C4orf17: variants seen among roughly 807,000 people sequenced by gnomAD.
C4orf17 encodes the protein chromosome 4 open reading frame 17.
C4orf17 carries 25 observed loss-of-function variants against 32.0 expected under a neutral mutation model. The ratio of observed to expected loss-of-function variants is 0.78; its 90% CI spans 0.57 to 1.09. The LOEUF (loss-of-function observed/expected upper bound fraction) is 1.09, where lower values mean the gene tolerates loss of function less well. C4orf17 is among the 50% of genes least tolerant of loss of function. The pLI is 0.00. For synonymous variants in C4orf17, 149 were observed against 145.8 expected (o/e 1.02, Z -0.16); for missense variants, 420 against 420.0 (o/e 1.00, Z 0.00).
chr4:99,531,690 C>A (rs968389205), intron 5 of C4orf17, among the ~76,000 whole-genome samples: 1 of 152,154 alleles, frequency 6.6e-6, no homozygotes, highest in Non-Finnish European at 1.5e-5. Context: ...AACTGGCACA[C>A]AGACAATGGC....
intron 2 of C4orf17, among the ~76,000 whole-genome samples, chr4:99,516,871 G>A (rs1279515476): frequency 2.0e-5 from 3 of 152,126 alleles, no homozygotes; most frequent in Non-Finnish European, 4.4e-5. Flanking sequence ...TCAGCCTACC[G>A]AAGCGTGGCC....
At chr4:99,520,710 A>G (rs960649329) in intron 2 of C4orf17, among the ~76,000 whole-genome samples, 1 of 152,248 alleles carries the variant, frequency 6.6e-6, no homozygotes, top group Admixed American at 6.5e-5. Flanking sequence ...GCAAATTTTA[A>G]AACTCATTTC....
chr4:99,519,093 G>A (rs947193508), intron 2 of C4orf17: 6 of 152,226 alleles, frequency 3.9e-5, no homozygotes, highest in African/African-American at 1.4e-4. Context: ...GGTAGAAGGG[G>A]AAGTGGAACT....
intron 1 of C4orf17, among the ~76,000 whole-genome samples, chr4:99,512,773 A>C (rs1177587594): frequency 6.6e-6 from 1 of 152,196 alleles, no homozygotes; most frequent in Non-Finnish European, 1.5e-5. Flanking sequence ...ATATTTTGAA[A>C]TCAAACACTT....
Position 99,537,711 on chromosome 4 carries a change from G to A in C4orf17, c.589G>A (p.Ala197Thr), listed in dbSNP as rs1723584669. Residue 197 changes from alanine (A) to threonine (T), a missense_variant, in exon 6 of 9, where the codon GCA (alanine) becomes ACA (threonine). Physicochemically the swap from Ala to Thr is moderately conservative, Grantham distance 58. Transcript: ENST00000326581. ...LCSILHTDSL[A>T]EVLQWLLHAT... ...TAGCATTTTGCATACTGATTCTCTG[G>A]CAGAAGTTTTACAGTGGCTGCTTCA... 1 of 1,612,672 alleles carries A rather than the reference G, an allele frequency of 6.2e-7. No individual in the cohort carries two copies. The highest frequency in any genetic ancestry group is 1.3e-5 in the African/African-American group (1 of 74,866).
intron 4 of C4orf17, 105 bp from the exon 5 acceptor site, chr4:99,529,710 T>C (rs1723445743): frequency 1.2e-6 from 1 of 852,814 alleles, no homozygotes. Flanking sequence ...CTTTCATGTA[T>C]CTCTCTTATT....
intron 7 of C4orf17, 69 bp from the exon 8 acceptor site, chr4:99,540,343 A>T: frequency 9.3e-7 from 1 of 1,072,306 alleles, no homozygotes; most frequent in Non-Finnish European, 1.4e-6. Flanking sequence ...TATTGATGAC[A>T]GTGTAGTCTA....
chr4:99,522,347 A>AT (rs34420658), intron 2 of C4orf17, among the ~76,000 whole-genome samples, 153 bp from the exon 3 acceptor site: 62,573 of 148,304 alleles, frequency 0.42, 13,698 homozygotes, highest in East Asian at 0.61. Context: ...TCATAATACA[A>AT]TTTTTTTTTT....
At chr4:99,514,218 A>T (rs1278152329) in intron 2 of C4orf17, among the ~76,000 whole-genome samples, 1 of 152,194 alleles carries the variant, frequency 6.6e-6, no homozygotes, top group Admixed American at 6.6e-5. Context: ...GACTAAGACC[A>T]CAAAAGCAAA....
At chr4:99,518,544 T>TAGAGAGAG (rs70958313) in intron 2 of C4orf17, among the ~76,000 whole-genome samples, 26 of 36,806 alleles carry the variant, frequency 7.1e-4, no homozygotes, top group African/African-American at 9.0e-4. Flanking sequence ...TATATATATA[T>TAGAGAGAG]AGAGAGAGAG....
intron 2 of C4orf17, among the ~76,000 whole-genome samples, chr4:99,516,136 C>T (rs1291086256): frequency 6.6e-6 from 1 of 152,198 alleles, no homozygotes; most frequent in Non-Finnish European, 1.5e-5. Context: ...TCATTTCATT[C>T]AGCAGATGTT....
intron 5 of C4orf17, among the ~76,000 whole-genome samples, chr4:99,530,415 T>C (rs1462006664): frequency 6.6e-6 from 1 of 152,140 alleles, no homozygotes; most frequent in African/African-American, 2.4e-5. Flanking sequence ...CTTAGTTATA[T>C]TAATAGTAAT....
At chr4:99,539,038 T>C (rs551253143) in intron 6 of C4orf17, 125 bp from the exon 7 acceptor site, 2 of 878,046 alleles carry the variant, frequency 2.3e-6, no homozygotes, top group Non-Finnish European at 1.8e-6. Flanking sequence ...TACTCCCACA[T>C]AGGTAACTAT....
intron 2 of C4orf17, among the ~76,000 whole-genome samples, chr4:99,514,910 C>T (rs1847372): frequency 0.097 from 14,729 of 152,132 alleles, 974 homozygotes; most frequent in African/African-American, 0.18. Context: ...CACCATGGAA[C>T]ACTACTCAGC....
chr4:99,533,864 C>A (rs2110172637), intron 5 of C4orf17, among the ~76,000 whole-genome samples: 1 of 152,228 alleles, frequency 6.6e-6, no homozygotes, highest in African/African-American at 2.4e-5. Context: ...TTAAAAATAG[C>A]CCTGCAATAG....
rs1723314901 is a variant in C4orf17 at position 99,522,728 on chromosome 4, G to A, written c.337+19G>A. The A allele has an allele frequency of 1.3e-6, 2 of 1,596,694 alleles. No homozygotes were observed. Among genetic ancestry groups the A allele is most frequent in the Admixed American group, 1.7e-5 (1 of 59,624 alleles). On this transcript the variant is annotated intron_variant, in intron 3 of 8. Transcript: ENST00000326581. The stretch of plus-strand genomic sequence containing the variant: ...CATTCTGGTGAGTTGAGTTAGAACT[G>A]ATGAAATGTTTCCTTATGCCTCCTG...
chr4:99,531,505 G>A (rs1723475677), intron 5 of C4orf17, among the ~76,000 whole-genome samples: 1 of 152,000 alleles, frequency 6.6e-6, no homozygotes, highest in African/African-American at 2.4e-5. Context: ...TGGCTTTCTG[G>A]GCATCTATGA....
intron 2 of C4orf17, among the ~76,000 whole-genome samples, chr4:99,522,262 C>T (rs563723021): frequency 6.6e-6 from 1 of 152,124 alleles, no homozygotes; most frequent in African/African-American, 2.4e-5. Context: ...TGAAGACTGA[C>T]AAAATGGCCG....
chr4:99,523,560 T>C (rs1296488254), intron 3 of C4orf17, among the ~76,000 whole-genome samples: 4 of 152,298 alleles, frequency 2.6e-5, no homozygotes, highest in Non-Finnish European at 4.4e-5. Flanking sequence ...CCACTTATTT[T>C]CCCTTATTTC....
Sources: allele counts gnomAD v4.1 joint callset (sites outside exome capture counted in the v4.1 genomes callset), GRCh38; gene constraint gnomAD v4.1.1; transcripts MANE v1.5; gene names NCBI Gene and HGNC (gene_info 2026-07-23, HGNC 2026-07-21).